Variants in SKAP2 observed in about 807,000 individuals in gnomAD.
SKAP2 encodes src kinase associated phosphoprotein 2.
In SKAP2, 28 loss-of-function variants were observed where a neutral mutation model predicts 54.9. The ratio of observed to expected loss-of-function variants is 0.51; its 90% CI spans 0.38 to 0.70. The LOEUF (loss-of-function observed/expected upper bound fraction) is 0.70. SKAP2 is among the 30% of genes least tolerant of loss of function. SKAP2 has a pLI of 0.00. For missense variants in SKAP2, 356 were observed against 424.1 expected, an observed-to-expected ratio of 0.84 and a Z score of 1.41; for synonymous variants, 137 against 134.3, an observed-to-expected ratio of 1.02 and a Z score of -0.14.
chr7:26,710,228 G>A (rs1317049436), intron 9 of SKAP2, among the ~76,000 whole-genome samples: 1 of 152,164 alleles, frequency 6.6e-6, no homozygotes, highest in African/African-American at 2.4e-5. Flanking sequence ...CCTTGCACTA[G>A]AGGAGTTTGC....
chr7:26,818,852 A>T (rs951308905), intron 4 of SKAP2, among the ~76,000 whole-genome samples: 1 of 152,186 alleles, frequency 6.6e-6, no homozygotes, highest in Non-Finnish European at 1.5e-5. Context: ...TAGAGAAATG[A>T]AAATCAAAAC....
chr7:26,812,557 A>G (rs889356750), intron 4 of SKAP2, among the ~76,000 whole-genome samples: 2 of 152,212 alleles, frequency 1.3e-5, no homozygotes, highest in African/African-American at 2.4e-5. Context: ...AATGGCAATT[A>G]ATCTTACAGA....
chr7:26,750,313 C>CT (rs70946231), intron 4 of SKAP2, among the ~76,000 whole-genome samples: 72,177 of 134,806 alleles, frequency 0.54, 20,175 homozygotes, highest in East Asian at 0.87. Context: ...ATATACCATA[C>CT]TTTTTTTTTT....
intron 4 of SKAP2, among the ~76,000 whole-genome samples, chr7:26,817,603 T>C (rs1444673712): frequency 6.6e-6 from 1 of 152,080 alleles, no homozygotes; most frequent in Admixed American, 6.6e-5. Flanking sequence ...ATAAAACATA[T>C]AGATAGACAC....
chr7:26,700,001 A>T (rs1786988196), intron 9 of SKAP2, among the ~76,000 whole-genome samples: 1 of 152,180 alleles, frequency 6.6e-6, no homozygotes, highest in Admixed American at 6.6e-5. Flanking sequence ...TACTTGTGCA[A>T]CTAGATTTTT....
rs188383860 is a variant in SKAP2, at chr7:26,668,464, T to C, written c.*1202A>G. 2.6e-5 allele frequency: 4 copies of C among 152,288 alleles called. No individual in the cohort carries two copies. The highest frequency in any genetic ancestry group is 7.2e-5 in the African/African-American group (3 of 41,558). 9.4% of individuals were successfully genotyped at this position (152,288 alleles called of 1,614,324 possible). A position where few individuals can be genotyped will look rare whatever the true frequency, so the allele number is the denominator to read the frequency against. Reference sequence around the variant, plus strand: ...TGTCAGGCTAACACTACCTTTCTACTCACCTGTTGGTACATGCTACCACTG... The same window carrying C: ...TGTCAGGCTAACACTACCTTTCTACCCACCTGTTGGTACATGCTACCACTG... On this transcript the variant is annotated 3_prime_UTR_variant, in exon 13 of 13. Transcript: ENST00000345317.
At chr7:26,716,795 C>T (rs1787454491) in intron 9 of SKAP2, among the ~76,000 whole-genome samples, 1 of 152,124 alleles carries the variant, frequency 6.6e-6, no homozygotes, top group Admixed American at 6.5e-5. Flanking sequence ...AATTAGTATT[C>T]CTCTCCTCCG....
chr7:26,715,594 T>C (rs1386495490), intron 9 of SKAP2, among the ~76,000 whole-genome samples: 2 of 152,054 alleles, frequency 1.3e-5, no homozygotes, highest in African/African-American at 4.8e-5. Flanking sequence ...CTGGCTAACA[T>C]GGTGAAACCC....
intron 7 of SKAP2, 124 bp from the exon 8 acceptor site, chr7:26,726,110 A>G (rs752339168): frequency 1.8e-5 from 11 of 627,452 alleles, no homozygotes; most frequent in Non-Finnish European, 3.0e-5. Context: ...TTTTCTTGCA[A>G]GGATGCTTCT....
At chr7:26,806,853 C>G (rs1426666798) in intron 4 of SKAP2, among the ~76,000 whole-genome samples, 1 of 152,156 alleles carries the variant, frequency 6.6e-6, no homozygotes, top group Non-Finnish European at 1.5e-5. Flanking sequence ...AAGTTGAAAT[C>G]TAGCAGAGGT....
At chr7:26,713,608 T>G (rs914870023) in intron 9 of SKAP2, among the ~76,000 whole-genome samples, 1 of 151,962 alleles carries the variant, frequency 6.6e-6, no homozygotes, top group Non-Finnish European at 1.5e-5. Flanking sequence ...TTTGTTTTTT[T>G]TTTTGTTTTT....
chr7:26,758,616 T>C (rs1006862480), intron 4 of SKAP2, among the ~76,000 whole-genome samples: 1 of 152,166 alleles, frequency 6.6e-6, no homozygotes, highest in Non-Finnish European at 1.5e-5. Flanking sequence ...AGCTTTCAGC[T>C]TACCCTTTAA....
chr7:26,840,552 T>C (rs1394807232), intron 4 of SKAP2, among the ~76,000 whole-genome samples: 1 of 152,102 alleles, frequency 6.6e-6, no homozygotes, highest in Non-Finnish European at 1.5e-5. Flanking sequence ...GAAAGGGATA[T>C]TCTTTAAGGT....
intron 4 of SKAP2, among the ~76,000 whole-genome samples, chr7:26,834,108 G>A (rs536232238): frequency 6.6e-5 from 10 of 152,214 alleles, no homozygotes; most frequent in South Asian, 2.1e-4. Flanking sequence ...GGTAAATAAC[G>A]AAATTAAGGC....
chr7:26,694,499 C>T (rs1303655345), intron 9 of SKAP2, among the ~76,000 whole-genome samples: 2 of 141,818 alleles, frequency 1.4e-5, no homozygotes, highest in African/African-American at 5.3e-5. Flanking sequence ...ATGAAAGTAA[C>T]AGTAAAGTGA....
chr7:26,766,224 T>C (rs1783050149), intron 4 of SKAP2, among the ~76,000 whole-genome samples: 1 of 152,208 alleles, frequency 6.6e-6, no homozygotes, highest in African/African-American at 2.4e-5. Context: ...TTTTACTATC[T>C]TTGTAACAAT....
intron 11 of SKAP2, among the ~76,000 whole-genome samples, chr7:26,682,850 T>C (rs953482699): frequency 2.0e-5 from 3 of 152,190 alleles, no homozygotes; most frequent in Non-Finnish European, 4.4e-5. Flanking sequence ...GATACACACC[T>C]ATGATTATAC....
At chr7:26,757,706 T>C (rs542181189) in intron 4 of SKAP2, among the ~76,000 whole-genome samples, 2 of 152,210 alleles carry the variant, frequency 1.3e-5, no homozygotes, top group Non-Finnish European at 2.9e-5. Context: ...TCCAATTCTG[T>C]GAAGAAAGTC....
intron 4 of SKAP2, among the ~76,000 whole-genome samples, chr7:26,800,861 T>C (rs893890753): frequency 1.3e-5 from 2 of 152,062 alleles, no homozygotes; most frequent in African/African-American, 4.8e-5. Flanking sequence ...ATAAAACATC[T>C]CCCAGTAAAG....
Sources: allele counts gnomAD v4.1 joint callset (sites outside exome capture counted in the v4.1 genomes callset), GRCh38; gene constraint gnomAD v4.1.1; transcripts MANE v1.5; gene names NCBI Gene and HGNC (gene_info 2026-07-23, HGNC 2026-07-21).